Variants in COL19A1 observed in about 807,000 individuals in gnomAD.
The protein encoded by COL19A1 is collagen alpha-1(XIX) chain.
Under a neutral mutation model 190.2 loss-of-function variants are expected in COL19A1, and 159 were observed. That is an observed-to-expected ratio of 0.84 (90% CI 0.73 to 0.95). COL19A1 has a LOEUF of 0.95. Among genes scored for constraint, COL19A1 ranks in the 40% least tolerant of loss-of-function variants. The probability of loss-of-function intolerance (pLI) is 0.00; values close to 1 mark genes in which losing one functional copy is unlikely to be tolerated. For synonymous variants in COL19A1, 509 were observed against 458.9 expected, an observed-to-expected ratio of 1.11 and a Z score of -1.39; for missense variants, 1,418 against 1,431.9, an observed-to-expected ratio of 0.99 and a Z score of 0.16.
chr6:69,929,009 C>T (rs892676759), intron 5 of COL19A1, among the ~76,000 whole-genome samples: 4 of 151,986 alleles, frequency 2.6e-5, no homozygotes, highest in Non-Finnish European at 5.9e-5. Flanking sequence ...TGATCACATT[C>T]TTAGTCTTCT....
intron 9 of COL19A1, among the ~76,000 whole-genome samples, chr6:69,943,777 A>C (rs922316089): frequency 6.6e-6 from 1 of 152,176 alleles, no homozygotes; most frequent in Admixed American, 6.6e-5. Context: ...ATGACAATCT[A>C]AGGTGTTATG....
intron 11 of COL19A1, among the ~76,000 whole-genome samples, chr6:69,986,018 C>T (rs1293082651): frequency 6.6e-6 from 1 of 151,528 alleles, no homozygotes; most frequent in African/African-American, 2.4e-5. Flanking sequence ...GCTTCAGTAA[C>T]CTAGAATTTG....
intron 11 of COL19A1, among the ~76,000 whole-genome samples, chr6:69,998,861 T>G (rs778984380): frequency 8.5e-5 from 13 of 152,152 alleles, no homozygotes; most frequent in Non-Finnish European, 1.8e-4. Context: ...CATACATCTA[T>G]CCATCTCTTT....
chr6:69,937,746 C>T (rs576388601), intron 8 of COL19A1, among the ~76,000 whole-genome samples: 65 of 152,116 alleles, frequency 4.3e-4, no homozygotes, highest in African/African-American at 1.5e-3. Context: ...GTAAGCTCTA[C>T]GAGAAAGGCA....
intron 14 of COL19A1, among the ~76,000 whole-genome samples, chr6:70,045,391 C>T (rs1444769943): frequency 4.7e-5 from 7 of 147,992 alleles, no homozygotes; most frequent in Admixed American, 4.1e-4. Context: ...TGTTGATTGT[C>T]TTTTCTCCTT....
intron 15 of COL19A1, among the ~76,000 whole-genome samples, chr6:70,093,034 C>T (rs1248066732): frequency 6.6e-6 from 1 of 152,092 alleles, no homozygotes; most frequent in African/African-American, 2.4e-5. Flanking sequence ...TGTCCCTCTG[C>T]ATGTCAATTT....
chr6:69,875,031 C>T (rs1262843262), intron 1 of COL19A1, among the ~76,000 whole-genome samples: 1 of 152,170 alleles, frequency 6.6e-6, no homozygotes, highest in Non-Finnish European at 1.5e-5. Flanking sequence ...ATAGTCCCTG[C>T]TCTCATGGAA....
chr6:70,135,796 A>G (rs1467208640), intron 18 of COL19A1, among the ~76,000 whole-genome samples: 1 of 152,166 alleles, frequency 6.6e-6, no homozygotes, highest in Non-Finnish European at 1.5e-5. Flanking sequence ...TTGACCATTT[A>G]TGGTAAGGTA....
chr6:70,118,223 A>G (rs571162767), intron 16 of COL19A1, among the ~76,000 whole-genome samples: 36 of 152,368 alleles, frequency 2.4e-4, no homozygotes, highest in Non-Finnish European at 4.1e-4. Flanking sequence ...ATAGAAAAAT[A>G]GCACATCTCT....
chr6:70,102,454 T>C (rs569605104), intron 16 of COL19A1, among the ~76,000 whole-genome samples: 1 of 152,308 alleles, frequency 6.6e-6, no homozygotes, highest in Admixed American at 6.5e-5. Flanking sequence ...CCTCACCCAC[T>C]TCTTTATTAC....
intron 41 of COL19A1, among the ~76,000 whole-genome samples, chr6:70,172,510 G>C (rs1332675013): frequency 6.6e-6 from 1 of 152,144 alleles, no homozygotes; most frequent in African/African-American, 2.4e-5. Context: ...TTGTCATATA[G>C]AGCAGTACTA....
chr6:70,004,142 G>C (rs1015774889), intron 11 of COL19A1, among the ~76,000 whole-genome samples: 1 of 152,108 alleles, frequency 6.6e-6, no homozygotes, highest in Non-Finnish European at 1.5e-5. Flanking sequence ...GCTTAGTTTG[G>C]CTGGATATGA....
chr6:69,951,565 T>C (rs186835025), intron 9 of COL19A1, among the ~76,000 whole-genome samples: 13 of 151,950 alleles, frequency 8.6e-5, no homozygotes, highest in Non-Finnish European at 1.5e-4. Flanking sequence ...ACATATCTTA[T>C]GTAACCTTGA....
intron 14 of COL19A1, among the ~76,000 whole-genome samples, chr6:70,050,851 T>A (rs1780164089): frequency 6.6e-6 from 1 of 152,166 alleles, no homozygotes; most frequent in African/African-American, 2.4e-5. Flanking sequence ...CTATTATCTG[T>A]TCATTATTCT....
chr6:70,177,083 G>A (rs1395077871), intron 42 of COL19A1, among the ~76,000 whole-genome samples: 1 of 152,094 alleles, frequency 6.6e-6, no homozygotes, highest in Non-Finnish European at 1.5e-5. Context: ...GGTGTCAAAT[G>A]TTTTAATCTC....
chr6:69,945,562 A>T (rs1773742143), intron 9 of COL19A1, among the ~76,000 whole-genome samples: 3 of 152,124 alleles, frequency 2.0e-5, no homozygotes, highest in Admixed American at 1.3e-4. Context: ...CAGAAGTAGG[A>T]TTTAATATTA....
Position 70,062,530 on chromosome 6 carries a change from C to T in COL19A1, c.1171-5893C>T, listed in dbSNP as rs571084076. The stretch of plus-strand genomic sequence containing the variant: ...GGTAACGGCCACTGCAAAAACATGC[C>T]AAATTGTAAAGACCATCAAGTCTAG... On this transcript the variant is annotated intron_variant, in intron 14 of 50. Coordinates refer to ENST00000620364, the MANE Select transcript of COL19A1 (RefSeq NM_001858.6). 9.9e-5 allele frequency among the ~76,000 whole-genome samples: 15 copies of T among 152,224 alleles called. No homozygotes were observed. In the South Asian group the frequency reaches 2.9e-3, roughly 29 times the overall value.
intron 48 of COL19A1, among the ~76,000 whole-genome samples, chr6:70,195,535 A>G (rs560593277): frequency 1.1e-4 from 17 of 152,296 alleles, no homozygotes; most frequent in East Asian, 3.9e-4. Context: ...CTGAGTCTCA[A>G]TGGAGTCTGG....
intron 16 of COL19A1, among the ~76,000 whole-genome samples, chr6:70,112,420 T>C (rs1784332742): frequency 6.6e-6 from 1 of 152,150 alleles, no homozygotes; most frequent in Non-Finnish European, 1.5e-5. Flanking sequence ...TTTTCCTTTT[T>C]CAGGACATAC....
Sources: gnomAD v4.1 joint callset for allele counts (sites outside exome capture counted in the v4.1 genomes callset) on GRCh38, gnomAD v4.1.1 for gene constraint, MANE v1.5 for transcripts, NCBI Gene and HGNC (gene_info 2026-07-23, HGNC 2026-07-21) for gene names.